The following FLI1 variants were observed in gnomAD, a reference collection of about 807,000 sequenced individuals.
FLI1 encodes Fli-1 proto-oncogene, ETS transcription factor, also known as Friend leukemia integration 1 transcription factor.
A neutral mutation model predicts 53.1 loss-of-function variants in FLI1; 13 were observed. That is an observed-to-expected ratio of 0.24 (90% confidence interval 0.16 to 0.39). The LOEUF (loss-of-function observed/expected upper bound fraction) is 0.39. Among genes scored for constraint, FLI1 ranks in the 10% least tolerant of loss-of-function variants. FLI1 has a pLI of 1.00. For synonymous variants in FLI1, 244 were observed against 236.7 expected, an observed-to-expected ratio of 1.03 and a Z score of -0.28; for missense variants, 424 against 600.5, an observed-to-expected ratio of 0.71 and a Z score of 3.07.
rs1439310432 is a variant in FLI1 at position 128,810,310 on chromosome 11, T to C, written c.830-149T>C. On this transcript the variant is annotated intron_variant, in intron 8 of 8. Transcript: ENST00000527786. This position sits in a 1 kb window ranked among gnomAD's most constrained non-coding sequence, Gnocchi z 6.6. ...GCAGAAAGGCAAATCAACAATGACA[T>C]AAGAAGGGCTTGTCAAGTCGATCCC... is the stretch of plus-strand genomic sequence containing the variant. 5.4e-6 allele frequency: 4 copies of C among 746,906 alleles called. No individual in the cohort carries two copies. Among genetic ancestry groups the C allele is most frequent in the Non-Finnish European group, 8.5e-6 (4 of 470,298 alleles). The allele number at this position is 746,906 out of a possible 1,614,324, so 46.3% of individuals were successfully genotyped here. A position where few individuals can be genotyped will look rare whatever the true frequency, so the allele number is the denominator to read the frequency against.
intron 1 of FLI1, among the ~76,000 whole-genome samples, chr11:128,712,211 C>G (rs745643740): frequency 6.6e-6 from 1 of 152,070 alleles, no homozygotes; most frequent in Non-Finnish European, 1.5e-5. Flanking sequence ...AGTCTGGGAC[C>G]TCCTCCTTCT....
At chr11:128,749,031 T>C (rs1016057450) in intron 1 of FLI1, among the ~76,000 whole-genome samples, 3 of 152,232 alleles carry the variant, frequency 2.0e-5, no homozygotes, top group African/African-American at 4.8e-5. Context: ...TTGGAGATAA[T>C]TCCACTATGT....
chr11:128,766,172 G>A lies in FLI1; in HGVS notation c.231-1946G>A, dbSNP rs1207460027. 1.3e-5 allele frequency among the ~76,000 whole-genome samples: 2 copies of A among 152,212 alleles called. 1 individual carries two copies. Among genetic ancestry groups the A allele is most frequent in the South Asian group, 4.1e-4 (2 of 4,826 alleles). ...GGGGACCCAGTGCACTCGGGCCAGA[G>A]CTCAGCTCAGATGCAGGCACCAGGG... On this transcript the variant is annotated intron_variant, in intron 2 of 8. Transcript: ENST00000527786.
chr11:128,807,438 A>G (rs80315073), intron 7 of FLI1, among the ~76,000 whole-genome samples, 199 bp downstream of exon 7: 29 of 152,366 alleles, frequency 1.9e-4, no homozygotes, highest in Non-Finnish European at 3.4e-4. Flanking sequence ...TTAAATATCA[A>G]AGGTGAAAGA....
intron 1 of FLI1, among the ~76,000 whole-genome samples, chr11:128,703,863 AC>A (rs66832523): frequency 0.15 from 18,242 of 121,488 alleles, 4,737 homozygotes; most frequent in East Asian, 0.29. Flanking sequence ...AAAAAAAAAA[AC>A]AAACGTTAAG....
intron 1 of FLI1, among the ~76,000 whole-genome samples, chr11:128,713,627 AAC>A (rs1491555434): frequency 6.6e-6 from 1 of 152,100 alleles, no homozygotes. Context: ...AAAAAAAAAA[AAC>A]AGTTATTGAG....
chr11:128,790,636 T>C (rs1217307143), intron 5 of FLI1, among the ~76,000 whole-genome samples: 1 of 152,242 alleles, frequency 6.6e-6, no homozygotes, highest in Non-Finnish European at 1.5e-5. Flanking sequence ...CTCAAATTAT[T>C]GGAAACAGCC....
chr11:128,751,374 G>A (rs974982514), intron 1 of FLI1, among the ~76,000 whole-genome samples: 8 of 109,746 alleles, frequency 7.3e-5, no homozygotes, highest in Non-Finnish European at 1.3e-4. Flanking sequence ...TTTTTTTTTT[G>A]AGACACTGTC....
chr11:128,810,856 T>C lies in FLI1; in HGVS notation c.1227T>C (p.Pro409=). ...TCCCTCCCCATCCATCCTCCATGCC[T>C]GTCACTTCCTCCAGCTTCTTTGGAG... is the stretch of plus-strand genomic sequence containing the variant. The part of the protein sequence containing the change: ...NFVPPHPSSM[P]VTSSSFFGAA... Residue 409 remains proline, a synonymous_variant, in exon 9 of 9, where the codon CCT becomes CCC. Transcript: ENST00000527786. This position sits in a 1 kb window ranked among gnomAD's most constrained non-coding sequence, Gnocchi z 6.6. The C allele has an allele frequency of 6.2e-7, 1 of 1,614,040 alleles. No homozygotes were observed. Among genetic ancestry groups the C allele is most frequent in the Non-Finnish European group, 8.5e-7 (1 of 1,179,898 alleles).
intron 5 of FLI1, among the ~76,000 whole-genome samples, chr11:128,803,104 GA>G (rs1353801304): frequency 3.3e-5 from 5 of 149,524 alleles, no homozygotes; most frequent in Admixed American, 3.3e-4. Flanking sequence ...AGTCAAGTCA[GA>G]AGTTCAGATG....
At chr11:128,715,041 G>A (rs1938953887) in intron 1 of FLI1, among the ~76,000 whole-genome samples, 1 of 152,006 alleles carries the variant, frequency 6.6e-6, no homozygotes. Context: ...TTCCACCACA[G>A]CCCCAAGGAA....
At chr11:128,693,956 GA>G, upstream of FLI1, 1 of 177,248 alleles carries the variant, frequency 5.6e-6, no homozygotes, top group East Asian at 7.5e-5. Flanking sequence ...GAGAGAGAGA[GA>G]GAGAGAGAGA....
At chr11:128,782,621 C>T (rs908146273) in intron 5 of FLI1, among the ~76,000 whole-genome samples, 2 of 152,116 alleles carry the variant, frequency 1.3e-5, no homozygotes, top group African/African-American at 4.8e-5. Flanking sequence ...TCGCTTGGAC[C>T]CAGGAGGCAG....
chr11:128,784,719 C>A (rs1565498964), intron 5 of FLI1, among the ~76,000 whole-genome samples: 1 of 152,338 alleles, frequency 6.6e-6, no homozygotes, highest in East Asian at 1.9e-4. Flanking sequence ...CTCCTCCCCA[C>A]CTCTCACTGG....
Position 128,807,268 on chromosome 11 carries a change from T to A in FLI1, c.781+29T>A, listed in dbSNP as rs754065292. On this transcript the variant is annotated intron_variant, in intron 7 of 8. Coordinates refer to ENST00000527786, the MANE Select transcript of FLI1 (RefSeq NM_002017.5). The stretch of plus-strand genomic sequence containing the variant: ...CCTGCCCAGGATATGTAATCTCTCC[T>A]TTGCTTCCTGCACAGTTGTTGATTT... 16 of 1,542,312 alleles carry A rather than the reference T, an allele frequency of 1.0e-5. No individual in the cohort carries two copies. The African/African-American group carries it at 2.1e-4, about 20-fold the overall frequency.
rs1256488777 is a variant in FLI1, at chr11:128,751,811, G to GT, written c.19-6304_19-6303insT. On this transcript the variant is annotated intron_variant, in intron 1 of 8. Transcript: ENST00000527786. ...CCAAAGTGCTGGGATTACAGGCGTG[G>GT]GTTTTTTTTTTTGGGTTTGTTTTTT... 7.1e-3 allele frequency among the ~76,000 whole-genome samples: 960 copies of GT among 135,110 alleles called. 29 individuals carry two copies. The highest frequency in any genetic ancestry group is 0.023 in the African/African-American group (764 of 33,892). 88.6% of individuals were successfully genotyped at this position (135,110 alleles called of 152,430 possible).
chr11:128,762,282 T>C (rs538438243), intron 2 of FLI1, among the ~76,000 whole-genome samples: 1 of 152,200 alleles, frequency 6.6e-6, no homozygotes, highest in Non-Finnish European at 1.5e-5. Flanking sequence ...TAATTCGCCA[T>C]AACACAAAAA....
At chr11:128,785,127 A>G (rs987960724) in intron 5 of FLI1, among the ~76,000 whole-genome samples, 1 of 152,208 alleles carries the variant, frequency 6.6e-6, no homozygotes, top group African/African-American at 2.4e-5. Context: ...ACAATCTTTA[A>G]GCCCCTTTAA....
rs117676190 is a variant in FLI1 at position 128,756,914 on chromosome 11, G to A, written c.19-1201G>A. ...TAGTTGTCGTTGTTGTTGTTGTTTC[G>A]AGACTGTCGCCCAGGCTGAATGCAA... On this transcript the variant is annotated intron_variant, in intron 1 of 8. Coordinates refer to ENST00000527786, the MANE Select transcript of FLI1 (RefSeq NM_002017.5). 2.4e-4 allele frequency among the ~76,000 whole-genome samples: 36 copies of A among 152,138 alleles called. No individual in the cohort carries two copies. The East Asian group carries it at 6.4e-3, about 27-fold the overall frequency.
Sources: allele counts gnomAD v4.1 joint callset (sites outside exome capture counted in the v4.1 genomes callset), GRCh38; gene constraint gnomAD v4.1.1; non-coding constraint Gnocchi (gnomAD v3.1); transcripts MANE v1.5; gene names NCBI Gene and HGNC (gene_info 2026-07-23, HGNC 2026-07-21).